Variants in PIK3AP1 observed in about 807,000 individuals in gnomAD.
PIK3AP1 encodes phosphoinositide-3-kinase adaptor protein 1.
Under a neutral mutation model 88.1 loss-of-function variants are expected in PIK3AP1, and 21 were observed. The ratio of observed to expected loss-of-function variants is 0.24; its 90% CI spans 0.17 to 0.34. PIK3AP1 has a LOEUF of 0.34. PIK3AP1 is among the 10% of genes least tolerant of loss of function. The pLI, the probability that PIK3AP1 is intolerant of heterozygous loss-of-function variation, is 1.00. For missense variants in PIK3AP1, 828 were observed against 1,035.7 expected, an observed-to-expected ratio of 0.80 and a Z score of 2.75; for synonymous variants, 398 against 400.0, an observed-to-expected ratio of 1.00 and a Z score of 0.06.
intron 2 of PIK3AP1, among the ~76,000 whole-genome samples, chr10:96,681,286 CTCTA>C (rs1214416090): frequency 6.6e-6 from 1 of 152,182 alleles, no homozygotes; most frequent in Non-Finnish European, 1.5e-5. Context: ...TTTTTAAAAA[CTCTA>C]TCTCCAAATC....
At chr10:96,650,078 C>T (rs1843516016) in intron 6 of PIK3AP1, among the ~76,000 whole-genome samples, 1 of 152,062 alleles carries the variant, frequency 6.6e-6, no homozygotes, top group African/African-American at 2.4e-5. Context: ...GAAAATATTC[C>T]CAGGATCTCA....
intron 2 of PIK3AP1, among the ~76,000 whole-genome samples, chr10:96,705,538 T>A (rs1399783290): frequency 6.6e-6 from 1 of 152,010 alleles, no homozygotes; most frequent in East Asian, 1.9e-4. Flanking sequence ...TTATTGTCTC[T>A]ACTATTAATT....
At chr10:96,687,347 A>G (rs370238612) in intron 2 of PIK3AP1, among the ~76,000 whole-genome samples, 14 of 151,322 alleles carry the variant, frequency 9.3e-5, no homozygotes, top group African/African-American at 3.4e-4. Context: ...CATCCCTAGC[A>G]CAGAGCCTGG....
chr10:96,710,471 C>T (rs536758478), intron 1 of PIK3AP1, among the ~76,000 whole-genome samples: 2 of 152,284 alleles, frequency 1.3e-5, no homozygotes, highest in African/African-American at 2.4e-5. Context: ...ATCCACCCAT[C>T]CCTGCCTCCC....
At chr10:96,628,875 C>CACACACACATATAT (rs1564961141) in intron 8 of PIK3AP1, among the ~76,000 whole-genome samples, 1 of 90,910 alleles carries the variant, frequency 1.1e-5, no homozygotes, top group Non-Finnish European at 2.2e-5. Context: ...CATATATACA[C>CACACACACATATAT]ATATATATAT....
rs1472257985 is a variant in PIK3AP1, at chr10:96,612,952, A to G, written c.2015-3085T>C. 1.9e-3 allele frequency among the ~76,000 whole-genome samples: 104 copies of G among 54,896 alleles called. 1 individual carries two copies. Among genetic ancestry groups the G allele is most frequent in the African/African-American group, 8.7e-3 (91 of 10,444 alleles). The allele number at this position is 54,896 out of a possible 152,430, so 36.0% of individuals were successfully genotyped here. A position where few individuals can be genotyped will look rare whatever the true frequency, so the allele number is the denominator to read the frequency against. On this transcript the variant is annotated intron_variant, in intron 13 of 16. Coordinates refer to ENST00000339364, the MANE Select transcript of PIK3AP1 (RefSeq NM_152309.3). ...ATGCCACTGAATTGTGTGTGTGTGT[A>G]TATATATATATATATATATATATAT... is the stretch of plus-strand genomic sequence containing the variant.
rs1244187293 is a variant in PIK3AP1, at chr10:96,684,961, T to G, written c.430+24606A>C. On this transcript the variant is annotated intron_variant, in intron 2 of 16. Transcript: ENST00000339364. ...AACCAACACCAGATTCTTGGTTTTT[T>G]GTTTGTGTTTGCTTTTTTAAAAGAT... Among the ~76,000 whole-genome samples, 3 of 152,210 alleles carry G rather than the reference T, an allele frequency of 2.0e-5. No individual in the cohort carries two copies. The East Asian group carries it at 5.8e-4, about 29-fold the overall frequency.
At chr10:96,696,945 G>T (rs753415176) in intron 2 of PIK3AP1, among the ~76,000 whole-genome samples, 11 of 152,154 alleles carry the variant, frequency 7.2e-5, no homozygotes, top group Admixed American at 6.5e-5. Context: ...CACATAGTTG[G>T]AATTAAGAAA....
In PIK3AP1 at chr10:96,595,646, G is replaced by A. The variant is rs1183574994; in HGVS notation, c.2361-12C>T. On this transcript the variant is annotated splice_polypyrimidine_tract_variant and intron_variant, in intron 16 of 16. Transcript: ENST00000339364. ...CCCTGGTCGGAGGCCTAAAATGAAAGATAAGGCAACTCTATTTAAAAACTA... is the reference window on the plus strand; with the variant it reads ...CCCTGGTCGGAGGCCTAAAATGAAAAATAAGGCAACTCTATTTAAAAACTA... The A allele has an allele frequency of 6.2e-7, 1 of 1,612,396 alleles. No individual in the cohort carries two copies. Among genetic ancestry groups the A allele is most frequent in the South Asian group, 1.1e-5 (1 of 90,632 alleles).
At chr10:96,640,938 C>T (rs963743512) in intron 8 of PIK3AP1, among the ~76,000 whole-genome samples, 1 of 152,140 alleles carries the variant, frequency 6.6e-6, no homozygotes, top group Non-Finnish European at 1.5e-5. Context: ...GCTGGGATTA[C>T]GGGCATGAGC....
intron 2 of PIK3AP1, among the ~76,000 whole-genome samples, chr10:96,674,622 T>A (rs952423295): frequency 2.6e-5 from 4 of 152,230 alleles, no homozygotes; most frequent in Admixed American, 6.5e-5. Flanking sequence ...AATAAATACT[T>A]CTTGCATGAA....
At position 96,709,968 on chromosome 10, in the gene PIK3AP1, C is replaced by A; in HGVS notation, c.29G>T (p.Cys10Phe). ...CGGGCTGTAGACGATGAGGATGTCG[C>A]ATCCTCTGGGCACCCCTGGACAAGA... is the stretch of plus-strand genomic sequence containing the variant. MAASGVPRG[C>F]DILIVYSPDA... Residue 10 changes from cysteine (C) to phenylalanine (F), a missense_variant, in exon 2 of 17, where the codon TGC becomes TTC. Cys to Phe is a radical substitution (Grantham distance 205). This residue lies in a region of PIK3AP1 where 610 missense variants were observed against 760.1 expected (regional missense o/e 0.80). Coordinates refer to ENST00000339364, the MANE Select transcript of PIK3AP1 (RefSeq NM_152309.3). 6.3e-7 allele frequency: 1 copy of A among 1,589,738 alleles called. No individual in the cohort carries two copies.
chr10:96,696,569 A>T (rs1844224302), intron 2 of PIK3AP1, among the ~76,000 whole-genome samples: 1 of 152,246 alleles, frequency 6.6e-6, no homozygotes, highest in African/African-American at 2.4e-5. Context: ...CTGTAATAAC[A>T]GGGAAATTAA....
chr10:96,713,825 G>A (rs1844468965), intron 1 of PIK3AP1, among the ~76,000 whole-genome samples: 1 of 152,154 alleles, frequency 6.6e-6, no homozygotes, highest in Non-Finnish European at 1.5e-5. Flanking sequence ...CCAGCTAACA[G>A]CAGATCCTGC....
chr10:96,624,166 T>C (rs1322941417), intron 10 of PIK3AP1, among the ~76,000 whole-genome samples: 1 of 152,224 alleles, frequency 6.6e-6, no homozygotes, highest in East Asian at 1.9e-4. Flanking sequence ...CCCTATTTCT[T>C]ATCTGTAGAA....
intron 2 of PIK3AP1, among the ~76,000 whole-genome samples, chr10:96,685,362 T>A (rs1844054483): frequency 6.6e-6 from 1 of 152,044 alleles, no homozygotes; most frequent in Non-Finnish European, 1.5e-5. Context: ...TCCACAAAGC[T>A]GGGAGGAGCA....
intron 1 of PIK3AP1, among the ~76,000 whole-genome samples, chr10:96,713,503 T>TAAAAAAAAA (rs566830672): frequency 1.2e-5 from 1 of 84,928 alleles, no homozygotes. Context: ...GACTCCGTCT[T>TAAAAAAAAA]AAAAAAAAAA....
At chr10:96,697,567 A>T (rs897350139) in intron 2 of PIK3AP1, among the ~76,000 whole-genome samples, 6 of 150,748 alleles carry the variant, frequency 4.0e-5, no homozygotes, top group Admixed American at 6.6e-5. Context: ...TACAAAATAA[A>T]TTTTTTTTTT....
chr10:96,633,303 G>A (rs117026892), intron 8 of PIK3AP1: 786 of 376,716 alleles, frequency 2.1e-3, no homozygotes, highest in Non-Finnish European at 2.9e-3. Flanking sequence ...GGTTACCGGG[G>A]TAACAGAGCT....
Sources: gnomAD v4.1 joint callset for allele counts (sites outside exome capture counted in the v4.1 genomes callset) on GRCh38, gnomAD v4.1.1 for gene constraint, gnomAD v4.1.1 regional missense constraint, MANE v1.5 for transcripts, NCBI Gene and HGNC (gene_info 2026-07-23, HGNC 2026-07-21) for gene names.